ZNF610: variants seen among roughly 807,000 people sequenced by gnomAD.
The protein encoded by ZNF610 is zink finger protein.
A neutral mutation model predicts 14.1 loss-of-function variants in ZNF610; 14 were observed. The ratio of observed to expected loss-of-function variants is 0.99; its 90% CI spans 0.65 to 1.55. The LOEUF is 1.55. ZNF610 is among the 40% of genes most tolerant of loss of function. ZNF610 has a pLI of 0.00. For synonymous variants in ZNF610, 185 were observed against 187.6 expected, an observed-to-expected ratio of 0.99 and a Z score of 0.11; for missense variants, 530 against 558.0, an observed-to-expected ratio of 0.95 and a Z score of 0.51.
intron 3 of ZNF610, among the ~76,000 whole-genome samples, chr19:52,350,715 A>G (rs1985211053): frequency 6.6e-6 from 1 of 151,604 alleles, no homozygotes; most frequent in Non-Finnish European, 1.5e-5. Context: ...ATACAGCATT[A>G]TAAGGCTGGA....
intron 1 of ZNF610, among the ~76,000 whole-genome samples, chr19:52,341,915 A>G (rs561051727): frequency 2.6e-5 from 4 of 152,164 alleles, no homozygotes; most frequent in African/African-American, 7.2e-5. Flanking sequence ...GGCTCAAACA[A>G]TTCTCCCACC....
intron 1 of ZNF610, among the ~76,000 whole-genome samples, chr19:52,346,199 T>C (rs1464772788): frequency 6.6e-6 from 1 of 150,866 alleles, no homozygotes; most frequent in East Asian, 1.9e-4. Flanking sequence ...TTTTGGTTTT[T>C]TTTGAGATAG....
At position 52,367,117 on chromosome 19, in the gene ZNF610, T is replaced by TA. The variant is rs1302009445; in HGVS notation, c.*350_*351insA. On this transcript the variant is annotated 3_prime_UTR_variant, in exon 6 of 6. Transcript: ENST00000403906. The stretch of plus-strand genomic sequence containing the variant: ...TTTTAAGTAATAAAGTTTAAAGTTT[T>TA]TTTTTAGTTTTTTCTTTTTTTTTTG... 1 of 210,278 alleles carries TA rather than the reference T, an allele frequency of 4.8e-6. No individual in the cohort carries two copies. Among genetic ancestry groups the TA allele is most frequent in the African/African-American group, 2.3e-5 (1 of 43,450 alleles). The allele number at this position is 210,278 out of a possible 1,614,324, so 13.0% of individuals were successfully genotyped here. A position where few individuals can be genotyped will look rare whatever the true frequency, so the allele number is the denominator to read the frequency against.
At chr19:52,344,460 C>T (rs10402784) in intron 1 of ZNF610, among the ~76,000 whole-genome samples, 3 of 151,940 alleles carry the variant, frequency 2.0e-5, no homozygotes, top group African/African-American at 7.2e-5. Context: ...AGGGGAGAGA[C>T]GAGCCAGAAG....
At chr19:52,364,473 A>G (rs1985925452) in intron 5 of ZNF610, among the ~76,000 whole-genome samples, 1 of 152,184 alleles carries the variant, frequency 6.6e-6, no homozygotes, top group South Asian at 2.1e-4. Context: ...CCAAGGTACT[A>G]ATTACCTTCC....
chr19:52,348,368 A>G (rs1471207080), intron 2 of ZNF610, among the ~76,000 whole-genome samples: 1 of 152,028 alleles, frequency 6.6e-6, no homozygotes, highest in African/African-American at 2.4e-5. Context: ...GTTTTCTTGT[A>G]TTATTTTCAT....
At position 52,354,168 on chromosome 19, in the gene ZNF610, C is replaced by T. The variant is rs1179084297; in HGVS notation, c.191-83C>T. On this transcript the variant is annotated intron_variant, in intron 4 of 5. Transcript: ENST00000403906. ...TGAGATATTATTCTTGATCCATTTG[C>T]GATATCCCCTCTCTTACCTAAACAC... is the stretch of plus-strand genomic sequence containing the variant. The T allele has an allele frequency of 1.2e-5, 18 of 1,553,720 alleles. No individual in the cohort carries two copies. In the African/African-American group the frequency reaches 1.7e-4, roughly 14 times the overall value.
At chr19:52,340,091 C>T (rs1006863541) in intron 1 of ZNF610, among the ~76,000 whole-genome samples, 5 of 152,174 alleles carry the variant, frequency 3.3e-5, no homozygotes, top group Admixed American at 3.3e-4. Context: ...CACACAGCTG[C>T]GAGCGTGCCA....
intron 5 of ZNF610, among the ~76,000 whole-genome samples, chr19:52,362,636 A>G (rs1227049422): frequency 6.6e-6 from 1 of 152,116 alleles, no homozygotes; most frequent in Non-Finnish European, 1.5e-5. Flanking sequence ...CTTTTCTATC[A>G]AGATATTTTA....
At chr19:52,335,731 C>T (rs1242805090), upstream of ZNF610, among the ~76,000 whole-genome samples, 1 of 152,120 alleles carries the variant, frequency 6.6e-6, no homozygotes, top group African/African-American at 2.4e-5. Context: ...TTCTGTGGGC[C>T]GTCAGCATGA....
At chr19:52,332,201 G>A (rs372264952), upstream of ZNF610, among the ~76,000 whole-genome samples, 2 of 152,164 alleles carry the variant, frequency 1.3e-5, no homozygotes, top group Non-Finnish European at 2.9e-5. The surrounding 1 kb of genome is among the most constrained non-coding windows in gnomAD (Gnocchi z 4.1). Flanking sequence ...GTCTATTGAA[G>A]AAACATTATT....
chr19:52,337,994 A>G (rs1346835949), intron 1 of ZNF610, among the ~76,000 whole-genome samples: 4 of 149,178 alleles, frequency 2.7e-5, no homozygotes, highest in Non-Finnish European at 5.9e-5. Context: ...AGAATGCCAC[A>G]TCTCTGGTCA....
In ZNF610 at chr19:52,367,239, T is replaced by C; in HGVS notation, c.*472T>C. ...CCCGGATTCAAGCAATTCTCCTGCCTCAGCCTCCTGAGTAGCTGGGATTAC... is the reference window on the plus strand; with the variant it reads ...CCCGGATTCAAGCAATTCTCCTGCCCCAGCCTCCTGAGTAGCTGGGATTAC... On this transcript the variant is annotated 3_prime_UTR_variant, in exon 6 of 6. Transcript: ENST00000403906. The C allele has an allele frequency of 6.5e-6, 1 of 153,954 alleles. No homozygotes were observed. 9.5% of individuals were successfully genotyped at this position (153,954 alleles called of 1,614,324 possible). A position where few individuals can be genotyped will look rare whatever the true frequency, so the allele number is the denominator to read the frequency against.
intron 2 of ZNF610, 34 bp from the exon 3 acceptor site, chr19:52,349,120 T>A (rs1202163995): frequency 2.6e-6 from 4 of 1,523,654 alleles, no homozygotes; most frequent in Non-Finnish European, 3.6e-6. Context: ...ATGTGTTGAT[T>A]CCGAGCAGTA....
chr19:52,366,479 TAC>T lies in ZNF610; in HGVS notation c.1103_1104del (p.Thr368ArgfsTer7). On this transcript the variant is annotated frameshift_variant, in exon 6 of 6. Transcript: ENST00000403906. LOFTEE classifies it low-confidence loss of function (END_TRUNC). ...YLARHQIIHS[T>X]EKPYKCNECG... ...TTGCACGGCATCAAATAATTCATAG[TAC>T]AGAGAAGCCCTACAAATGTAACGAA... is the stretch of plus-strand genomic sequence containing the variant. The T allele has an allele frequency of 3.1e-6, 5 of 1,614,194 alleles. No homozygotes were observed. Among genetic ancestry groups the T allele is most frequent in the Non-Finnish European group, 4.2e-6 (5 of 1,180,042 alleles).
chr19:52,362,003 C>T (rs1258264461), intron 5 of ZNF610, among the ~76,000 whole-genome samples: 2 of 152,164 alleles, frequency 1.3e-5, no homozygotes, highest in African/African-American at 4.8e-5. Context: ...TCAATTCAAC[C>T]ACAAACTCCG....
At chr19:52,347,010 GA>G (rs1301789262) in intron 1 of ZNF610, 1 of 152,246 alleles carries the variant, frequency 6.6e-6, no homozygotes, top group African/African-American at 2.4e-5. Context: ...TTACTGGTGT[GA>G]GCTACTGCAC....
intron 2 of ZNF610, among the ~76,000 whole-genome samples, chr19:52,348,741 G>A (rs962556353): frequency 1.3e-5 from 2 of 152,096 alleles, no homozygotes; most frequent in African/African-American, 4.8e-5. Context: ...TCATGGATAC[G>A]GGGATTCCAG....
intron 1 of ZNF610, chr19:52,344,051 G>A (rs1213535766): frequency 6.6e-6 from 1 of 152,108 alleles, no homozygotes; most frequent in Non-Finnish European, 1.5e-5. Context: ...TCCTATTTAT[G>A]GGGGCTGCTA....
Sources: allele counts gnomAD v4.1 joint callset (sites outside exome capture counted in the v4.1 genomes callset), GRCh38; gene constraint gnomAD v4.1.1; non-coding constraint Gnocchi (gnomAD v3.1); transcripts MANE v1.5; gene names NCBI Gene and HGNC (gene_info 2026-07-23, HGNC 2026-07-21).